The following TRIM54 variants were observed in gnomAD, a reference collection of about 807,000 sequenced individuals.
TRIM54 encodes tripartite motif-containing protein 54.
In TRIM54, 40 loss-of-function variants were observed where a neutral mutation model predicts 42.0. The ratio of observed to expected loss-of-function variants is 0.95; its 90% confidence interval spans 0.74 to 1.24. The LOEUF is 1.24. Ranked by LOEUF, TRIM54 falls within the 50% of genes most tolerant of loss-of-function variation. The probability of loss-of-function intolerance (pLI) is 0.00; values close to 1 mark genes in which losing one functional copy is unlikely to be tolerated. For synonymous variants in TRIM54, 199 were observed against 194.9 expected (o/e 1.02, Z -0.17); for missense variants, 485 against 480.3 (o/e 1.01, Z -0.09).
rs117953488 is a variant in TRIM54, at chr2:27,292,491, G to A, written c.169-6076G>A. On this transcript the variant is annotated intron_variant, in intron 1 of 8. Coordinates refer to ENST00000380075, the MANE Select transcript of TRIM54 (RefSeq NM_187841.3). The stretch of plus-strand genomic sequence containing the variant: ...GGAGGCTGAGGTGAGAGGATCCCTC[G>A]ATCCCAGGAAGTTGAGACGACAGAG... 5.8e-3 allele frequency among the ~76,000 whole-genome samples: 876 copies of A among 152,264 alleles called. 5 individuals carry two copies. Among genetic ancestry groups the A allele is most frequent in the East Asian group, 0.012 (62 of 5,186 alleles).
intron 3 of TRIM54, chr2:27,299,643 T>C (rs1285318982): frequency 1.2e-6 from 1 of 852,484 alleles, no homozygotes; most frequent in Non-Finnish European, 1.9e-6. Flanking sequence ...CGCAGAACAC[T>C]AAGATTATAG....
rs576214685 is a variant in TRIM54 at position 27,298,740 on chromosome 2, G to A, written c.341+1G>A. The A allele has an allele frequency of 6.2e-7, 1 of 1,613,628 alleles. No individual in the cohort carries two copies. On this transcript the variant is annotated splice_donor_variant, in intron 2 of 8. Coordinates refer to ENST00000380075, the MANE Select transcript of TRIM54 (RefSeq NM_187841.3). LOFTEE classifies it high-confidence loss of function. The stretch of plus-strand genomic sequence containing the variant: ...ACATTTACAAGCAGGAGTCATCCAG[G>A]TGAGCCACCAGAGTCTCTTGCCTCT...
At position 27,305,052 on chromosome 2, in the gene TRIM54, G is replaced by A. The variant is rs1054504964; in HGVS notation, c.607G>A (p.Glu203Lys). ...GATGGAGGAGGTGTGCCAGACTATCGAGGTGAGCCTGGGCTGGAGGGAGGG... is the reference window on the plus strand; with the variant it reads ...GATGGAGGAGGTGTGCCAGACTATCAAGGTGAGCCTGGGCTGGAGGGAGGG... ...TQMEEVCQTI[E>K]DNSRRQKQLL... is the part of the protein sequence containing the mutation. Residue 203 changes from glutamate to lysine, a missense_variant and splice_region_variant, in exon 4 of 9, where the codon GAG becomes AAG. By Grantham distance (56) the Glu-to-Lys change is moderately conservative. Transcript: ENST00000380075. The A allele has an allele frequency of 1.9e-6, 3 of 1,613,536 alleles. No individual in the cohort carries two copies. Among genetic ancestry groups the A allele is most frequent in the Admixed American group, 1.7e-5 (1 of 59,942 alleles).
rs1027471359 is a variant in TRIM54 at position 27,294,666 on chromosome 2, CG to C, written c.169-3899del. Among the ~76,000 whole-genome samples the C allele has an allele frequency of 4.5e-4, 69 of 151,724 alleles. 1 individual carries two copies. The highest frequency in any genetic ancestry group is 1.6e-3 in the African/African-American group (66 of 41,406). On this transcript the variant is annotated intron_variant, in intron 1 of 8. Coordinates refer to ENST00000380075, the MANE Select transcript of TRIM54 (RefSeq NM_187841.3). ...CAGCACTTTGGGAGGCTGAGGTGGG[CG>C]GATCATGAGGTCAGGAGATTGAGAC...
intron 1 of TRIM54, among the ~76,000 whole-genome samples, chr2:27,294,937 T>C (rs1349182292): frequency 2.7e-5 from 4 of 150,242 alleles, no homozygotes; most frequent in African/African-American, 4.9e-5. Context: ...AGGGTTGATA[T>C]GAGGATTAAG....
At chr2:27,300,543 G>GA (rs1414950650) in intron 3 of TRIM54, among the ~76,000 whole-genome samples, 8 of 96,654 alleles carry the variant, frequency 8.3e-5, no homozygotes, top group Admixed American at 6.3e-4. Flanking sequence ...AATCCTTTGG[G>GA]AGGATACTAC....
intron 1 of TRIM54, among the ~76,000 whole-genome samples, chr2:27,283,772 A>ACGCGCGCGCGCGCGCGCG (rs1413594548): frequency 8.9e-6 from 1 of 112,088 alleles, no homozygotes; most frequent in African/African-American, 4.0e-5. Flanking sequence ...AGGCACACAC[A>ACGCGCGCGCGCGCGCGCG]CACACACGCG....
chr2:27,304,223 T>TATATATAGATAG, intron 3 of TRIM54, among the ~76,000 whole-genome samples: 1 of 139,210 alleles, frequency 7.2e-6, no homozygotes, highest in South Asian at 2.3e-4. Flanking sequence ...AATATATATA[T>TATATATAGATAG]ATAGATAGAT....
At chr2:27,297,680 A>G (rs918417233) in intron 1 of TRIM54, among the ~76,000 whole-genome samples, 2 of 152,198 alleles carry the variant, frequency 1.3e-5, no homozygotes, top group African/African-American at 4.8e-5. Flanking sequence ...ATACCTGCCT[A>G]AATTTATATA....
chr2:27,305,493 T>C, intron 4 of TRIM54, 91 bp from the exon 5 acceptor site: 1 of 1,094,754 alleles, frequency 9.1e-7, no homozygotes, highest in Non-Finnish European at 1.3e-6. Context: ...GATGGGTCAC[T>C]TTCTGTGTTG....
chr2:27,294,358 C>G (rs1338691041), intron 1 of TRIM54, among the ~76,000 whole-genome samples: 3 of 151,988 alleles, frequency 2.0e-5, no homozygotes, highest in African/African-American at 7.2e-5. Context: ...TGCACTCAAG[C>G]CATCCTGCTG....
At chr2:27,289,860 C>CTTTTT (rs756771152) in intron 1 of TRIM54, among the ~76,000 whole-genome samples, 12 of 100,608 alleles carry the variant, frequency 1.2e-4, no homozygotes, top group Non-Finnish European at 1.8e-4. Context: ...CTCTCTTTCT[C>CTTTTT]TTTTTTTTTT....
In TRIM54 at chr2:27,306,755, G is replaced by A; in HGVS notation, c.*2-132G>A. ...TTCCTCCTCACCCGCTGTTCCTCTGGGGTGCTGGGAGGGCAGGCAAGGCAG... is the reference window on the plus strand; with the variant it reads ...TTCCTCCTCACCCGCTGTTCCTCTGAGGTGCTGGGAGGGCAGGCAAGGCAG... On this transcript the variant is annotated intron_variant, in intron 8 of 8. Transcript: ENST00000380075. This position sits in a 1 kb window ranked among gnomAD's most constrained non-coding sequence, Gnocchi z 6.1. The A allele has an allele frequency of 3.3e-6, 2 of 607,938 alleles. No individual in the cohort carries two copies. The highest frequency in any genetic ancestry group is 2.9e-6 in the Non-Finnish European group (1 of 349,688). 37.7% of individuals were successfully genotyped at this position (607,938 alleles called of 1,614,324 possible).
intron 1 of TRIM54, among the ~76,000 whole-genome samples, chr2:27,288,116 G>A (rs956729925): frequency 6.6e-5 from 10 of 152,124 alleles, no homozygotes; most frequent in Admixed American, 2.0e-4. Context: ...CTTCTCAGGC[G>A]CTTCAGCTTT....
chr2:27,293,269 C>T (rs1168329980), intron 1 of TRIM54, among the ~76,000 whole-genome samples: 1 of 152,190 alleles, frequency 6.6e-6, no homozygotes, highest in African/African-American at 2.4e-5. Context: ...CTTTCACTGT[C>T]CTCTTAAATA....
At chr2:27,282,966 G>T in intron 1 of TRIM54, 67 bp downstream of exon 1, 3 of 1,505,014 alleles carry the variant, frequency 2.0e-6, no homozygotes, top group Non-Finnish European at 2.7e-6. Flanking sequence ...GATCAGGTCA[G>T]AGCTGAGACC....
At chr2:27,289,141 A>G (rs1678652056) in intron 1 of TRIM54, among the ~76,000 whole-genome samples, 3 of 152,172 alleles carry the variant, frequency 2.0e-5, no homozygotes, top group Admixed American at 2.0e-4. Flanking sequence ...GGGACTTAAA[A>G]TCAGGGTAGG....
chr2:27,301,002 A>G (rs954955051), intron 3 of TRIM54, among the ~76,000 whole-genome samples: 1 of 152,172 alleles, frequency 6.6e-6, no homozygotes, highest in Non-Finnish European at 1.5e-5. Context: ...AGACAGGGTT[A>G]TTGGATCTCG....
chr2:27,295,130 A>G lies in TRIM54; in HGVS notation c.169-3437A>G, dbSNP rs185091904. On this transcript the variant is annotated intron_variant, in intron 1 of 8. Transcript: ENST00000380075. ...GCCCAGGTTGGAGTGCAATGGCGCA[A>G]TCTCGGCTCATTGCAACCTCGGCCT... Among the ~76,000 whole-genome samples, 14 of 151,494 alleles carry G rather than the reference A, an allele frequency of 9.2e-5. No individual in the cohort carries two copies. The East Asian group carries it at 9.9e-4, about 11-fold the overall frequency.
Sources: allele counts gnomAD v4.1 joint callset (sites outside exome capture counted in the v4.1 genomes callset), GRCh38; gene constraint gnomAD v4.1.1; non-coding constraint Gnocchi (gnomAD v3.1); transcripts MANE v1.5; gene names NCBI Gene and HGNC (gene_info 2026-07-23, HGNC 2026-07-21).